COMMD10: variants seen among roughly 807,000 people sequenced by gnomAD.
COMMD10 encodes the protein COMM domain-containing protein 10.
Under a neutral mutation model 28.9 loss-of-function variants are expected in COMMD10, and 33 were observed. The observed-to-expected ratio is 1.14, with a 90% CI of 0.87 to 1.53. The LOEUF (loss-of-function observed/expected upper bound fraction) is 1.53. Ranked by LOEUF, COMMD10 falls within the 40% of genes most tolerant of loss-of-function variation. The pLI is 0.00. For synonymous variants in COMMD10, 110 were observed against 81.7 expected (o/e 1.35, Z -1.87); for missense variants, 310 against 233.4 (o/e 1.33, Z -2.14).
intron 5 of COMMD10, among the ~76,000 whole-genome samples, chr5:116,266,668 C>T (rs1042001316): frequency 4.0e-5 from 6 of 151,600 alleles, no homozygotes; most frequent in African/African-American, 1.5e-4. Flanking sequence ...GCCCATTATC[C>T]CTGATGAACA....
intron 5 of COMMD10, among the ~76,000 whole-genome samples, chr5:116,140,049 T>G (rs1306430791): frequency 6.6e-6 from 1 of 151,758 alleles, no homozygotes; most frequent in Non-Finnish European, 1.5e-5. Context: ...ATTTTTTCCC[T>G]TTCCTTGTCT....
intron 5 of COMMD10, among the ~76,000 whole-genome samples, chr5:116,206,609 G>A (rs1444457380): frequency 6.6e-6 from 1 of 151,962 alleles, no homozygotes; most frequent in Non-Finnish European, 1.5e-5. Flanking sequence ...CCAAGATAGT[G>A]CCATTGTACT....
chr5:116,145,806 A>C (rs1752331428), intron 5 of COMMD10, among the ~76,000 whole-genome samples: 1 of 151,824 alleles, frequency 6.6e-6, no homozygotes, highest in South Asian at 2.1e-4. Flanking sequence ...TTTGCTCAGC[A>C]CTTCTCCTTC....
In COMMD10 at chr5:116,134,197, T is replaced by A; in HGVS notation, c.510+19T>A. ...TTCAAAGGTAAGAAATGGTATCCCA[T>A]TAAAAGGATGTATTTTGTTTGTTAG... On this transcript the variant is annotated intron_variant, in intron 5 of 6. Coordinates refer to ENST00000274458, the MANE Select transcript of COMMD10 (RefSeq NM_016144.4). 7.3e-7 allele frequency: 1 copy of A among 1,367,824 alleles called. No homozygotes were observed. Among genetic ancestry groups the A allele is most frequent in the Non-Finnish European group, 1.0e-6 (1 of 954,898 alleles). 84.7% of individuals were successfully genotyped at this position (1,367,824 alleles called of 1,614,324 possible).
intron 4 of COMMD10, among the ~76,000 whole-genome samples, chr5:116,094,418 G>A (rs905534129): frequency 6.6e-6 from 1 of 152,142 alleles, no homozygotes. Flanking sequence ...ATGAAAAAAT[G>A]CTTAAAATCA....
At chr5:116,194,246 G>T (rs931969200) in intron 5 of COMMD10, among the ~76,000 whole-genome samples, 2 of 151,858 alleles carry the variant, frequency 1.3e-5, no homozygotes, top group Non-Finnish European at 2.9e-5. Flanking sequence ...ACATTCCAAG[G>T]TCACACTTCA....
chr5:116,131,124 A>C (rs1425691614), intron 4 of COMMD10, among the ~76,000 whole-genome samples: 1 of 151,904 alleles, frequency 6.6e-6, no homozygotes, highest in Non-Finnish European at 1.5e-5. Context: ...AATATTTGAC[A>C]ATGTATCATT....
chr5:116,142,941 C>T (rs1193212104), intron 5 of COMMD10, among the ~76,000 whole-genome samples: 1 of 151,526 alleles, frequency 6.6e-6, no homozygotes. Context: ...ACTCTGGTTT[C>T]CTGATTCTTT....
intron 5 of COMMD10, among the ~76,000 whole-genome samples, chr5:116,238,094 A>G (rs1441879411): frequency 2.6e-5 from 4 of 152,244 alleles, no homozygotes; most frequent in Non-Finnish European, 4.4e-5. Flanking sequence ...GTAATGCCCT[A>G]GAGTTCCAGT....
intron 5 of COMMD10, among the ~76,000 whole-genome samples, chr5:116,268,835 A>G (rs1314658883): frequency 6.6e-6 from 1 of 151,724 alleles, no homozygotes. Context: ...TTCTCAGGAA[A>G]CTATTGCAAG....
rs534430531 is a variant in COMMD10 at position 116,121,561 on chromosome 5, T to A, written c.400-12507T>A. ...AGATCCTTGAGGAATCGCCACACTG[T>A]CTTCCACGATGGTTGAACTAGTTTA... is the stretch of plus-strand genomic sequence containing the variant. On this transcript the variant is annotated intron_variant, in intron 4 of 6. Coordinates refer to ENST00000274458, the MANE Select transcript of COMMD10 (RefSeq NM_016144.4). Among the ~76,000 whole-genome samples the A allele has an allele frequency of 5.3e-5, 8 of 152,332 alleles. No homozygotes were observed. The East Asian group carries it at 1.5e-3, about 29-fold the overall frequency.
chr5:116,216,737 T>C (rs1178064910), intron 5 of COMMD10, among the ~76,000 whole-genome samples: 2 of 152,136 alleles, frequency 1.3e-5, no homozygotes, highest in Admixed American at 1.3e-4. Flanking sequence ...AATTTCACCA[T>C]GTTGGCCAGG....
intron 5 of COMMD10, among the ~76,000 whole-genome samples, chr5:116,245,063 T>C (rs927282221): frequency 1.5e-5 from 2 of 131,170 alleles, no homozygotes; most frequent in Non-Finnish European, 3.4e-5. Context: ...AAAAAAAAAA[T>C]TAATAAAATA....
At chr5:116,253,885 C>T (rs1212158537) in intron 5 of COMMD10, among the ~76,000 whole-genome samples, 1 of 150,738 alleles carries the variant, frequency 6.6e-6, no homozygotes, top group Non-Finnish European at 1.5e-5. Flanking sequence ...CTAGTTCCTC[C>T]TTGTACCTCT....
rs754137825 is a variant in COMMD10, at chr5:116,087,528, A to G, written c.73A>G (p.Ile25Val). 5 of 1,612,224 alleles carry G rather than the reference A, an allele frequency of 3.1e-6. No homozygotes were observed. Among genetic ancestry groups the G allele is most frequent in the East Asian group, 2.2e-5 (1 of 44,876 alleles). The change falls in exon 2 of 7, where the codon ATA becomes GTA. Residue 25 changes from isoleucine (I) to valine (V), a missense_variant. Coordinates refer to ENST00000274458, the MANE Select transcript of COMMD10 (RefSeq NM_016144.4). Reference sequence around the variant, plus strand: ...GAAAGCAGTGTCACTGATAAATGCAATAGATACAGGAAGATTTCCACGGTT... The same window carrying G: ...GAAAGCAGTGTCACTGATAAATGCAGTAGATACAGGAAGATTTCCACGGTT... ...MKKAVSLINA[I>V]DTGRFPRLLT...
chr5:116,230,039 G>A (rs1749490685), intron 5 of COMMD10, among the ~76,000 whole-genome samples: 1 of 151,730 alleles, frequency 6.6e-6, no homozygotes, highest in Admixed American at 6.6e-5. Context: ...ATTAGGTTTT[G>A]TTCACTATTG....
chr5:116,283,736 C>A lies in COMMD10; in HGVS notation c.511-7781C>A, dbSNP rs78994289. 7.7e-3 allele frequency among the ~76,000 whole-genome samples: 1,166 copies of A among 151,790 alleles called. 48 individuals carry two copies. The highest frequency in any genetic ancestry group is 0.027 in the African/African-American group (1,125 of 41,144). ...TAGTCTTACTGCATAATGGCAGTAT[C>A]CATTGATACTGCTGTTAAACAACCA... On this transcript the variant is annotated intron_variant, in intron 5 of 6. Transcript: ENST00000274458.
At position 116,085,087 on chromosome 5, in the gene COMMD10, G is replaced by GC. The variant is rs1349543004; in HGVS notation, c.39dup (p.Ser14GlnfsTer33). 6.2e-7 allele frequency: 1 copy of GC among 1,610,034 alleles called. No homozygotes were observed. The highest frequency in any genetic ancestry group is 8.5e-7 in the Non-Finnish European group (1 of 1,179,028). On this transcript the variant is annotated frameshift_variant, in exon 1 of 7. Coordinates refer to ENST00000274458, the MANE Select transcript of COMMD10 (RefSeq NM_016144.4). LOFTEE classifies it high-confidence loss of function. The stretch of plus-strand genomic sequence containing the variant: ...CCCGCGGCGCTGATCCTACGGGAGA[G>GC]CCCCAGGTAGCTGATCCGTTAAGCT...
chr5:116,270,047 T>TA (rs11376461), intron 5 of COMMD10, among the ~76,000 whole-genome samples: 148,183 of 151,578 alleles, frequency 0.98, 72,587 homozygotes, highest in South Asian at 1. Flanking sequence ...GGACAGCATT[T>TA]AAAAAAATAT....
Sources: allele counts gnomAD v4.1 joint callset (sites outside exome capture counted in the v4.1 genomes callset), GRCh38; gene constraint gnomAD v4.1.1; transcripts MANE v1.5; gene names NCBI Gene and HGNC (gene_info 2026-07-23, HGNC 2026-07-21).